TEAD4: variants seen among roughly 807,000 people sequenced by gnomAD.
TEAD4 encodes TEA domain transcription factor 4.
A neutral mutation model predicts 52.4 loss-of-function variants in TEAD4; 36 were observed. The ratio of observed to expected loss-of-function variants is 0.69; its 90% CI spans 0.53 to 0.91. The LOEUF (loss-of-function observed/expected upper bound fraction) is 0.91. Among genes scored for constraint, TEAD4 ranks in the 40% least tolerant of loss-of-function variants. TEAD4 has a pLI of 0.00. For missense variants in TEAD4, 508 were observed against 583.9 expected, an observed-to-expected ratio of 0.87 and a Z score of 1.34; for synonymous variants, 220 against 231.0, an observed-to-expected ratio of 0.95 and a Z score of 0.43.
At chr12:2,962,331 T>A (rs1342946116) in intron 2 of TEAD4, among the ~76,000 whole-genome samples, 2 of 117,766 alleles carry the variant, frequency 1.7e-5, no homozygotes, top group African/African-American at 7.2e-5. Flanking sequence ...TATATAAATA[T>A]AAATATATAT....
intron 2 of TEAD4, among the ~76,000 whole-genome samples, chr12:2,978,400 T>G (rs2098231510): frequency 1.3e-5 from 2 of 151,840 alleles, no homozygotes; most frequent in South Asian, 4.2e-4. Flanking sequence ...TCTTTTTGTT[T>G]TTTTTTGTTT....
intron 3 of TEAD4, among the ~76,000 whole-genome samples, chr12:3,007,829 A>G (rs918007058): frequency 1.1e-4 from 16 of 152,374 alleles, no homozygotes; most frequent in African/African-American, 2.6e-4. Flanking sequence ...GAAAAGTTCA[A>G]TGAGACCAGG....
intron 3 of TEAD4, among the ~76,000 whole-genome samples, chr12:2,996,165 G>T (rs1158167159): frequency 6.6e-6 from 1 of 152,160 alleles, no homozygotes; most frequent in Admixed American, 6.5e-5. Context: ...CTAAATGGCT[G>T]AAGTCAGTGA....
At chr12:2,967,190 G>GA (rs1192500745) in intron 2 of TEAD4, among the ~76,000 whole-genome samples, 9 of 140,270 alleles carry the variant, frequency 6.4e-5, no homozygotes, top group East Asian at 2.2e-4. Flanking sequence ...AGGCATAAAG[G>GA]AAAAAAATGA....
At chr12:3,037,505 G>A (rs1195806960) in intron 10 of TEAD4, among the ~76,000 whole-genome samples, 5 of 152,224 alleles carry the variant, frequency 3.3e-5, no homozygotes, top group African/African-American at 9.6e-5. Flanking sequence ...CCCCACTGCC[G>A]GTCTCTTGCC....
chr12:3,011,356 G>A lies in TEAD4; in HGVS notation c.291+288G>A, dbSNP rs61917973. Among the ~76,000 whole-genome samples, 9,003 of 151,884 alleles carry A rather than the reference G, an allele frequency of 0.059. 363 individuals carry two copies. The highest frequency in any genetic ancestry group is 0.092 in the Non-Finnish European group (6,224 of 67,948). Reference sequence around the variant, plus strand: ...AGTGATTCTCCTGCCTCAGCCTACCGAGTAGCTGGGGTTATAGTCACCCGC... The same window carrying A: ...AGTGATTCTCCTGCCTCAGCCTACCAAGTAGCTGGGGTTATAGTCACCCGC... On this transcript the variant is annotated intron_variant, in intron 4 of 12. Coordinates refer to ENST00000359864, the MANE Select transcript of TEAD4 (RefSeq NM_003213.4).
intron 10 of TEAD4, among the ~76,000 whole-genome samples, chr12:3,037,134 G>A (rs1026159729): frequency 3.9e-5 from 6 of 152,210 alleles, no homozygotes; most frequent in Non-Finnish European, 8.8e-5. Context: ...CCTGTCTGAG[G>A]CAAGGTGAGA....
intron 5 of TEAD4, 140 bp from the exon 6 acceptor site, chr12:3,017,258 C>A: frequency 9.0e-7 from 1 of 1,112,994 alleles, no homozygotes; most frequent in Non-Finnish European, 1.3e-6. Context: ...AAGTTAATAG[C>A]ACGGCACAGA....
At position 3,037,982 on chromosome 12, in the gene TEAD4, C is replaced by T. The variant is rs1335979265; in HGVS notation, c.912C>T (p.Thr304=). 4 of 1,613,630 alleles carry T rather than the reference C, an allele frequency of 2.5e-6. No homozygotes were observed. Reference sequence around the variant, plus strand: ...TCTCCCTCCAGGCAGACCTCAACACCAACATCGAGGATGAAGGCAGCTCCT... The same window carrying T: ...TCTCCCTCCAGGCAGACCTCAACACTAACATCGAGGATGAAGGCAGCTCCT... Residue 304 remains threonine, a synonymous_variant, in exon 11 of 13, where the codon ACC becomes ACT. Coordinates refer to ENST00000359864, the MANE Select transcript of TEAD4 (RefSeq NM_003213.4).
intron 10 of TEAD4, among the ~76,000 whole-genome samples, chr12:3,023,269 A>C (rs1393525338): frequency 1.3e-5 from 2 of 152,172 alleles, no homozygotes; most frequent in Non-Finnish European, 2.9e-5. Flanking sequence ...AGGCAGAAGG[A>C]AGTGGGCTCT....
At chr12:3,007,811 C>T (rs926885035) in intron 3 of TEAD4, among the ~76,000 whole-genome samples, 1 of 152,184 alleles carries the variant, frequency 6.6e-6, no homozygotes, top group African/African-American at 2.4e-5. Context: ...TGGGTTTGCT[C>T]ATGTACAGAA....
rs1270729788 is a variant in TEAD4, at chr12:2,994,073, G to T, written c.-29-665G>T. Among the ~76,000 whole-genome samples the T allele has an allele frequency of 6.6e-6, 1 of 151,688 alleles. No individual in the cohort carries two copies. Among genetic ancestry groups the T allele is most frequent in the Non-Finnish European group, 1.5e-5 (1 of 67,922 alleles). On this transcript the variant is annotated intron_variant, in intron 2 of 12. Transcript: ENST00000359864. The surrounding 1 kb of genome is among the most constrained non-coding windows in gnomAD (Gnocchi z 4.7). ...TGAGACCCTGCTTTCAGTTTGTTTG[G>T]GTATATACCCAGGTATTGGGTCATA...
chr12:3,022,228 C>T (rs1363036861), intron 10 of TEAD4, among the ~76,000 whole-genome samples: 1 of 152,128 alleles, frequency 6.6e-6, no homozygotes, highest in Non-Finnish European at 1.5e-5. Flanking sequence ...CCTAGTCGAA[C>T]GAGGCCTTGT....
chr12:3,018,501 G>A (rs1228070896), intron 6 of TEAD4, 44 bp from the exon 7 acceptor site: 3 of 1,613,486 alleles, frequency 1.9e-6, no homozygotes, highest in Non-Finnish European at 2.5e-6. Context: ...AGGGCCCCGG[G>A]TGCACCTGGG....
chr12:3,016,554 A>G lies in TEAD4; in HGVS notation c.355-844A>G, dbSNP rs73248837. On this transcript the variant is annotated intron_variant, in intron 5 of 12. Transcript: ENST00000359864. ...CAGGAGTTTGAGGCTGTAGTGAGCC[A>G]TGATTGTGCAGTACTCTAGCCTGTG... Among the ~76,000 whole-genome samples the G allele has an allele frequency of 4.9e-3, 743 of 151,574 alleles. 4 individuals are homozygous for G. Among genetic ancestry groups the G allele is most frequent in the African/African-American group, 0.017 (688 of 41,258 alleles).
chr12:3,014,881 G>A (rs543429623), intron 5 of TEAD4, among the ~76,000 whole-genome samples: 3 of 152,220 alleles, frequency 2.0e-5, no homozygotes, highest in Admixed American at 1.3e-4. Flanking sequence ...CCCCGGCCTC[G>A]TGATGGAGTT....
rs775198935 is a variant in TEAD4, at chr12:3,040,291, G to A, written c.1191+32G>A. 2.1e-5 allele frequency: 34 copies of A among 1,613,942 alleles called. No individual in the cohort carries two copies. The Middle Eastern group carries it at 4.9e-4, about 23-fold the overall frequency. ...GGCGGGTGCTGCGGGTGTGGCTGGA[G>A]TCTGTGTGTGGGTAGCAGCCATGGC... On this transcript the variant is annotated intron_variant, in intron 12 of 12. Transcript: ENST00000359864.
intron 3 of TEAD4, among the ~76,000 whole-genome samples, chr12:3,000,841 C>T (rs923692598): frequency 2.0e-5 from 3 of 152,118 alleles, no homozygotes; most frequent in Non-Finnish European, 4.4e-5. Context: ...GAGGCAGAAC[C>T]GGGACCAGAC....
chr12:2,978,429 A>G (rs1591560172), intron 2 of TEAD4, among the ~76,000 whole-genome samples: 3 of 141,940 alleles, frequency 2.1e-5, no homozygotes, highest in African/African-American at 5.2e-5. Flanking sequence ...TTTGAGAGGG[A>G]GTCTCACTTT....
Sources: allele counts gnomAD v4.1 joint callset (sites outside exome capture counted in the v4.1 genomes callset), GRCh38; gene constraint gnomAD v4.1.1; non-coding constraint Gnocchi (gnomAD v3.1); transcripts MANE v1.5; gene names NCBI Gene and HGNC (gene_info 2026-07-23, HGNC 2026-07-21).